Variants in C20orf203 observed in about 807,000 individuals in gnomAD.
C20orf203 encodes uncharacterized protein C20orf203.
In C20orf203, 16 loss-of-function variants were observed where a neutral mutation model predicts 15.9. That is an observed-to-expected ratio of 1.01 (90% CI 0.68 to 1.53). The LOEUF is 1.53. C20orf203 is among the 40% of genes most tolerant of loss of function. The probability of loss-of-function intolerance (pLI) is 0.00; values close to 1 mark genes in which losing one functional copy is unlikely to be tolerated. For synonymous variants in C20orf203, 98 were observed against 97.2 expected (o/e 1.01, Z -0.05); for missense variants, 263 against 247.5 (o/e 1.06, Z -0.42).
chr20:32,648,236 T>A (rs544373308), intron 4 of C20orf203, among the ~76,000 whole-genome samples: 1 of 152,038 alleles, frequency 6.6e-6, no homozygotes, highest in East Asian at 1.9e-4. Context: ...CCTAAGCCCA[T>A]CCTGCCTCCA....
intron 5 of C20orf203, among the ~76,000 whole-genome samples, chr20:32,637,559 C>T (rs894133532): frequency 5.9e-5 from 9 of 152,202 alleles, no homozygotes; most frequent in African/African-American, 2.2e-4. Context: ...CCCCACTCCC[C>T]ACCCCCACTT....
chr20:32,654,190 AGC>A (rs1457441997), intron 1 of C20orf203, among the ~76,000 whole-genome samples: 1 of 152,176 alleles, frequency 6.6e-6, no homozygotes, highest in Non-Finnish European at 1.5e-5. Flanking sequence ...AAATCAATTG[AGC>A]TTCTACACAT....
In C20orf203 at chr20:32,650,372, T is replaced by G; in HGVS notation, c.*60A>C. The G allele has an allele frequency of 8.2e-7, 1 of 1,219,516 alleles. No individual in the cohort carries two copies. Among genetic ancestry groups the G allele is most frequent in the Non-Finnish European group, 1.2e-6 (1 of 859,744 alleles). 75.5% of individuals were successfully genotyped at this position (1,219,516 alleles called of 1,614,324 possible). The stretch of plus-strand genomic sequence containing the variant: ...GGTGGTAACAGGGGACACCCTGAGG[T>G]GGTGGTGGCCTTGGTAGGACAGGCA... On this transcript the variant is annotated 3_prime_UTR_variant, in exon 4 of 6. Coordinates refer to ENST00000608990, the MANE Select transcript of C20orf203 (RefSeq NM_182584.4).
At chr20:32,648,762 C>A (rs981836621) in intron 4 of C20orf203, among the ~76,000 whole-genome samples, 4 of 152,160 alleles carry the variant, frequency 2.6e-5, no homozygotes, top group African/African-American at 9.6e-5. Flanking sequence ...AATAAACTTT[C>A]TTTAGGGAAT....
chr20:32,636,662 G>A (rs1358594151), intron 5 of C20orf203, among the ~76,000 whole-genome samples: 1 of 152,158 alleles, frequency 6.6e-6, no homozygotes, highest in African/African-American at 2.4e-5. Flanking sequence ...CCCATGTGCT[G>A]CTGGACTTGG....
At chr20:32,643,396 C>T (rs1982335761) in intron 4 of C20orf203, among the ~76,000 whole-genome samples, 1 of 152,120 alleles carries the variant, frequency 6.6e-6, no homozygotes, top group South Asian at 2.1e-4. Flanking sequence ...AAATAAAGCC[C>T]AGAGCATCTC....
At chr20:32,662,838 G>A (rs542306370) in intron 1 of C20orf203, among the ~76,000 whole-genome samples, 1 of 143,662 alleles carries the variant, frequency 7.0e-6, no homozygotes, top group African/African-American at 2.6e-5. Flanking sequence ...AGCTATGATC[G>A]CGCCACTGCA....
Position 32,650,391 on chromosome 20 carries a change from A to G in C20orf203, c.*41T>C, listed in dbSNP as rs1259403135. 7.0e-7 allele frequency: 1 copy of G among 1,422,772 alleles called. No homozygotes were observed. Among genetic ancestry groups the G allele is most frequent in the Non-Finnish European group, 9.6e-7 (1 of 1,039,216 alleles). 88.1% of individuals were successfully genotyped at this position (1,422,772 alleles called of 1,614,324 possible). A position where few individuals can be genotyped will look rare whatever the true frequency, so the allele number is the denominator to read the frequency against. Reference sequence around the variant, plus strand: ...CTGAGGTGGTGGTGGCCTTGGTAGGACAGGCAGGCAGAGCTGGGGGTGGGG... The same window carrying G: ...CTGAGGTGGTGGTGGCCTTGGTAGGGCAGGCAGGCAGAGCTGGGGGTGGGG... On this transcript the variant is annotated 3_prime_UTR_variant, in exon 4 of 6. Transcript: ENST00000608990.
At chr20:32,667,203 G>A (rs2145682570) in intron 1 of C20orf203, among the ~76,000 whole-genome samples, 1 of 152,226 alleles carries the variant, frequency 6.6e-6, no homozygotes, top group African/African-American at 2.4e-5. Flanking sequence ...CAGTGGGAAA[G>A]GGTCACCTGG....
At chr20:32,671,014 A>T (rs919852542) in intron 1 of C20orf203, among the ~76,000 whole-genome samples, 36 of 15,856 alleles carry the variant, frequency 2.3e-3, no homozygotes, top group East Asian at 0.013. Flanking sequence ...GCCATTATTT[A>T]AAAAAAAAAA....
intron 1 of C20orf203, among the ~76,000 whole-genome samples, chr20:32,672,035 G>C (rs1321906142): frequency 6.6e-6 from 1 of 151,776 alleles, no homozygotes; most frequent in East Asian, 1.9e-4. Flanking sequence ...AATTTAAGAG[G>C]AGCCGGGGCA....
chr20:32,663,451 G>T (rs1982944265), intron 1 of C20orf203, among the ~76,000 whole-genome samples: 1 of 152,098 alleles, frequency 6.6e-6, no homozygotes, highest in African/African-American at 2.4e-5. Context: ...GCCAGCTACA[G>T]AGTATGATTA....
intron 1 of C20orf203, among the ~76,000 whole-genome samples, chr20:32,661,772 T>C (rs763481126): frequency 3.3e-5 from 5 of 151,970 alleles, no homozygotes; most frequent in Non-Finnish European, 7.4e-5. Flanking sequence ...ATCCATGGGG[T>C]TGGAGACCCA....
chr20:32,654,945 C>A (rs1470849586), intron 1 of C20orf203, among the ~76,000 whole-genome samples: 1 of 152,126 alleles, frequency 6.6e-6, no homozygotes. Flanking sequence ...GTGGTACTGG[C>A]ATAAGGACAG....
rs58787955 is a variant in C20orf203 at position 32,669,194 on chromosome 20, T to C, written c.-264+4438A>G. Among the ~76,000 whole-genome samples the C allele has an allele frequency of 2.9e-3, 439 of 152,334 alleles. 2 individuals carry two copies. Among genetic ancestry groups the C allele is most frequent in the African/African-American group, 0.01 (421 of 41,580 alleles). ...ATGCAGGCAAGGGGCTTGGCCTCTC[T>C]GGGACTCAGTGCCCTTGTGTGTGCT... On this transcript the variant is annotated intron_variant, in intron 1 of 5. Transcript: ENST00000608990.
intron 1 of C20orf203, chr20:32,658,080 GT>G (rs1390103105): frequency 2.0e-5 from 3 of 151,716 alleles, no homozygotes; most frequent in Admixed American, 2.0e-4. Flanking sequence ...GCTCACGCCT[GT>G]ATCTCAGCAC....
chr20:32,656,514 T>A (rs1982756912), intron 1 of C20orf203: 1 of 152,210 alleles, frequency 6.6e-6, no homozygotes, highest in Non-Finnish European at 1.5e-5. Flanking sequence ...GATCCAGCAA[T>A]TCTGCACCTA....
chr20:32,651,280 T>G (rs1600933469), intron 2 of C20orf203, 114 bp from the exon 3 acceptor site: 1 of 416,434 alleles, frequency 2.4e-6, no homozygotes, highest in Admixed American at 4.1e-5. Context: ...GCCCAGAAGG[T>G]TGAGGCCGTA....
At chr20:32,643,625 CCACA>C (rs56325748) in intron 4 of C20orf203, among the ~76,000 whole-genome samples, 30,052 of 140,054 alleles carry the variant, frequency 0.21, 3,453 homozygotes, top group Non-Finnish European at 0.25. Context: ...CTTCCTGGAA[CCACA>C]CACACACACA....
Sources: gnomAD v4.1 joint callset for allele counts (sites outside exome capture counted in the v4.1 genomes callset) on GRCh38, gnomAD v4.1.1 for gene constraint, MANE v1.5 for transcripts, NCBI Gene and HGNC (gene_info 2026-07-23, HGNC 2026-07-21) for gene names.